Variants in EPHA6 observed in about 807,000 individuals in gnomAD.
The protein encoded by EPHA6 is ephrin type-A receptor 6.
EPHA6 carries 50 observed loss-of-function variants against 112.0 expected under a neutral mutation model. That is an observed-to-expected ratio of 0.45 (90% CI 0.36 to 0.56). The LOEUF is 0.56. EPHA6 is among the 20% of genes least tolerant of loss of function. The probability of loss-of-function intolerance (pLI) is 0.00; values close to 1 mark genes in which losing one functional copy is unlikely to be tolerated. For missense variants in EPHA6, 1,280 were observed against 1,417.4 expected (o/e 0.90, Z 1.56); for synonymous variants, 529 against 490.7 (o/e 1.08, Z -1.03).
Position 97,378,560 on chromosome 3 carries a change from C to A in EPHA6, c.1607-26590C>A, listed in dbSNP as rs140475999. Among the ~76,000 whole-genome samples the A allele has an allele frequency of 1.8e-3, 273 of 152,206 alleles. 3 individuals are homozygous for A. In the East Asian group the frequency reaches 0.045, roughly 25 times the overall value. The stretch of plus-strand genomic sequence containing the variant: ...AAAAGCTGCAGACACTCAATGCCAG[C>A]CCATGAAAGCAGCCAGAAGGGAGAC... On this transcript the variant is annotated intron_variant, in intron 5 of 17. Transcript: ENST00000389672.
chr3:97,324,310 A>G (rs577048699), intron 5 of EPHA6, among the ~76,000 whole-genome samples: 3 of 152,006 alleles, frequency 2.0e-5, no homozygotes, highest in South Asian at 4.2e-4. Context: ...GATAATTTTT[A>G]GTCTTTGGGG....
intron 3 of EPHA6, among the ~76,000 whole-genome samples, chr3:97,117,506 T>C (rs181210142): frequency 6.6e-6 from 1 of 151,900 alleles, no homozygotes; most frequent in East Asian, 1.9e-4. Flanking sequence ...TTGAGTGATA[T>C]AAGTGACTAA....
Position 97,049,749 on chromosome 3 carries a change from A to C in EPHA6, c.1114+61756A>C, listed in dbSNP as rs559154615. On this transcript the variant is annotated intron_variant, in intron 3 of 17. Coordinates refer to ENST00000389672, the MANE Select transcript of EPHA6 (RefSeq NM_001080448.3). Reference sequence around the variant, plus strand: ...CTCAGGCTATTTCCACTCCTGATGCAAGGCACAGAGGGCCTGGGGAGATGC... The same window carrying C: ...CTCAGGCTATTTCCACTCCTGATGCCAGGCACAGAGGGCCTGGGGAGATGC... 1.2e-4 allele frequency among the ~76,000 whole-genome samples: 19 copies of C among 152,286 alleles called. No individual in the cohort carries two copies. In the South Asian group the frequency reaches 3.7e-3, roughly 30 times the overall value.
chr3:97,630,628 T>A (rs2093894764), intron 13 of EPHA6, among the ~76,000 whole-genome samples: 1 of 152,014 alleles, frequency 6.6e-6, no homozygotes. Context: ...AAATATTTCT[T>A]TTAAAGACAT....
chr3:97,302,925 T>G (rs1335995109), intron 5 of EPHA6, among the ~76,000 whole-genome samples: 2 of 151,928 alleles, frequency 1.3e-5, no homozygotes, highest in Non-Finnish European at 2.9e-5. Context: ...TAGTCAGCCT[T>G]TCTAGGAATA....
At chr3:97,330,549 G>A (rs1054272555) in intron 5 of EPHA6, among the ~76,000 whole-genome samples, 3 of 152,002 alleles carry the variant, frequency 2.0e-5, no homozygotes, top group Non-Finnish European at 4.4e-5. Flanking sequence ...TTGTAAGTTG[G>A]ATTCCTAGGC....
At chr3:97,067,348 T>G (rs984115034) in intron 3 of EPHA6, among the ~76,000 whole-genome samples, 3 of 152,144 alleles carry the variant, frequency 2.0e-5, no homozygotes, top group Non-Finnish European at 2.9e-5. Flanking sequence ...TTCTAGGATC[T>G]TCAAATTTAG....
intron 3 of EPHA6, among the ~76,000 whole-genome samples, chr3:97,008,001 A>G (rs1047645702): frequency 1.3e-5 from 2 of 152,086 alleles, no homozygotes; most frequent in Admixed American, 6.6e-5. Context: ...TTCCCTTTGT[A>G]GGTAACCTGG....
chr3:97,595,888 A>G (rs2093584580), intron 12 of EPHA6, among the ~76,000 whole-genome samples: 1 of 149,308 alleles, frequency 6.7e-6, no homozygotes, highest in East Asian at 2.0e-4. Flanking sequence ...TAAATATGTT[A>G]TCAGACATAT....
At chr3:96,992,903 C>T (rs1420250372) in intron 3 of EPHA6, among the ~76,000 whole-genome samples, 1 of 152,166 alleles carries the variant, frequency 6.6e-6, no homozygotes, top group East Asian at 1.9e-4. Flanking sequence ...TATTATCACT[C>T]TCCTCTGTGC....
intron 14 of EPHA6, among the ~76,000 whole-genome samples, chr3:97,702,144 A>G (rs1445935054): frequency 2.6e-5 from 4 of 152,332 alleles, no homozygotes; most frequent in African/African-American, 9.6e-5. Flanking sequence ...TACAAATTTT[A>G]GCATTCAGAA....
chr3:97,571,079 G>A lies in EPHA6; in HGVS notation c.2387-21533G>A, dbSNP rs964214. 2.7e-3 allele frequency among the ~76,000 whole-genome samples: 408 copies of A among 152,274 alleles called. 1 individual carries two copies. Among genetic ancestry groups the A allele is most frequent in the Non-Finnish European group, 3.9e-3 (263 of 68,008 alleles). Reference sequence around the variant, plus strand: ...AAACTGGAAGCCTAAATTCAGGAATGGATTCTGGGATGGACAGAAGAGGGC... The same window carrying A: ...AAACTGGAAGCCTAAATTCAGGAATAGATTCTGGGATGGACAGAAGAGGGC... On this transcript the variant is annotated intron_variant, in intron 11 of 17. Coordinates refer to ENST00000389672, the MANE Select transcript of EPHA6 (RefSeq NM_001080448.3).
At chr3:97,144,967 T>C (rs2076003025) in intron 3 of EPHA6, among the ~76,000 whole-genome samples, 1 of 151,546 alleles carries the variant, frequency 6.6e-6, no homozygotes, top group Admixed American at 6.6e-5. Context: ...TCCCATTTAG[T>C]AATTATTTTC....
At chr3:97,056,968 C>G (rs77951332) in intron 3 of EPHA6, among the ~76,000 whole-genome samples, 2,107 of 152,144 alleles carry the variant, frequency 0.014, 59 homozygotes, top group African/African-American at 0.048. Context: ...TATACACTTC[C>G]CATAAGAAAA....
intron 5 of EPHA6, among the ~76,000 whole-genome samples, chr3:97,249,135 T>A (rs1381367708): frequency 6.6e-6 from 1 of 152,128 alleles, no homozygotes; most frequent in Admixed American, 6.6e-5. Context: ...TTTTGTTTAT[T>A]AAAACAGGCA....
chr3:97,289,936 A>T (rs183247204), intron 5 of EPHA6, among the ~76,000 whole-genome samples: 2 of 151,848 alleles, frequency 1.3e-5, no homozygotes, highest in Admixed American at 1.3e-4. Flanking sequence ...CTTTGTATGA[A>T]TTTTTGGATC....
intron 3 of EPHA6, among the ~76,000 whole-genome samples, chr3:97,139,709 A>G (rs565624412): frequency 6.6e-6 from 1 of 152,326 alleles, no homozygotes; most frequent in African/African-American, 2.4e-5. Context: ...AAGAAAATTC[A>G]AAAGTAAAAG....
intron 2 of EPHA6, among the ~76,000 whole-genome samples, chr3:96,977,342 A>G (rs1292100244): frequency 6.6e-6 from 1 of 152,176 alleles, no homozygotes. Flanking sequence ...ACACTGTGGA[A>G]TGATAGACAA....
chr3:97,042,360 A>T (rs989539214), intron 3 of EPHA6, among the ~76,000 whole-genome samples: 4 of 152,056 alleles, frequency 2.6e-5, no homozygotes, highest in African/African-American at 9.7e-5. Context: ...CAGAGGCCTC[A>T]TCAGAAGCTG....
Sources: allele counts gnomAD v4.1 joint callset (sites outside exome capture counted in the v4.1 genomes callset), GRCh38; gene constraint gnomAD v4.1.1; transcripts MANE v1.5; gene names NCBI Gene and HGNC (gene_info 2026-07-23, HGNC 2026-07-21).